The following NOL4L variants were observed in gnomAD, a reference collection of about 807,000 sequenced individuals.
NOL4L encodes the protein nucleolar protein 4-like.
NOL4L carries 7 observed loss-of-function variants against 64.5 expected under a neutral mutation model. The observed-to-expected ratio is 0.11, with a 90% CI of 0.06 to 0.20. The LOEUF is 0.20. NOL4L is among the 10% of genes least tolerant of loss of function. NOL4L has a pLI of 1.00. For missense variants in NOL4L, 680 were observed against 967.1 expected (o/e 0.70, Z 3.94); for synonymous variants, 413 against 401.0 (o/e 1.03, Z -0.36).
intron 1 of NOL4L, among the ~76,000 whole-genome samples, chr20:32,580,270 C>T (rs1438929737): frequency 6.6e-6 from 1 of 152,170 alleles, no homozygotes; most frequent in Non-Finnish European, 1.5e-5. Flanking sequence ...CGTATCAGCG[C>T]CTCAGCCCAG....
At chr20:32,576,991 G>A (rs962901064) in intron 1 of NOL4L, among the ~76,000 whole-genome samples, 4 of 152,206 alleles carry the variant, frequency 2.6e-5, no homozygotes, top group African/African-American at 9.6e-5. Flanking sequence ...TCCAGGCTCT[G>A]GGGTTTGGAG....
rs542492848 is a variant in NOL4L, at chr20:32,477,279, G to A, written c.700-2537C>T. Among the ~76,000 whole-genome samples the A allele has an allele frequency of 1.0e-3, 158 of 152,340 alleles. 2 individuals carry two copies. Among genetic ancestry groups the A allele is most frequent in the Middle Eastern group, 6.8e-3 (2 of 294 alleles). On this transcript the variant is annotated intron_variant, in intron 4 of 10. Coordinates refer to ENST00000621426, the MANE Select transcript of NOL4L (RefSeq NM_001256798.2). ...TTGACAGCCCCGCTCCACAGATGAG[G>A]AAACTGAGGCTCCAGGAGGTTAAGG...
chr20:32,509,915 C>A, intron 4 of NOL4L: 9 of 1,304,254 alleles, frequency 6.9e-6, no homozygotes, highest in Non-Finnish European at 9.1e-6. Context: ...GTTTACGAAG[C>A]CAGGTGCCGG....
chr20:32,498,420 T>TAAA (rs11482808), intron 4 of NOL4L, among the ~76,000 whole-genome samples: 4 of 145,408 alleles, frequency 2.8e-5, no homozygotes, highest in Admixed American at 2.7e-4. Context: ...TCTGTTCTCT[T>TAAA]AAAAAAAAAA....
At chr20:32,583,538 G>A (rs1980642082) in intron 1 of NOL4L, among the ~76,000 whole-genome samples, 1 of 149,646 alleles carries the variant, frequency 6.7e-6, no homozygotes, top group African/African-American at 2.4e-5. Context: ...AGGGAGCAAG[G>A]AGGGCGGGGG....
chr20:32,495,421 AT>A (rs2016647814), intron 4 of NOL4L, among the ~76,000 whole-genome samples: 1 of 152,118 alleles, frequency 6.6e-6, no homozygotes, highest in Admixed American at 6.5e-5. Context: ...GCCCGGGCCT[AT>A]TCCTGAGGTG....
chr20:32,538,773 G>C (rs982375745), intron 1 of NOL4L, among the ~76,000 whole-genome samples: 12 of 152,188 alleles, frequency 7.9e-5, no homozygotes, highest in African/African-American at 2.9e-4. Flanking sequence ...AGCGGCAGGC[G>C]GGTGCCGTCA....
In NOL4L at chr20:32,453,075, C is replaced by A; in HGVS notation, c.1498-69G>T. The stretch of plus-strand genomic sequence containing the variant: ...GCCCTGGGCTTGTGCAGAGACCCTG[C>A]CCCAGGGGTGGGTGGCACAGGGTGG... On this transcript the variant is annotated intron_variant, in intron 8 of 10. Transcript: ENST00000621426. The surrounding 1 kb of genome is among the most constrained non-coding windows in gnomAD (Gnocchi z 5.6). 6.3e-7 allele frequency: 1 copy of A among 1,593,400 alleles called. No homozygotes were observed. Among genetic ancestry groups the A allele is most frequent in the Non-Finnish European group, 8.5e-7 (1 of 1,171,714 alleles).
intron 5 of NOL4L, among the ~76,000 whole-genome samples, chr20:32,467,459 T>A (rs1267536158): frequency 6.6e-6 from 1 of 151,892 alleles, no homozygotes; most frequent in Non-Finnish European, 1.5e-5. Flanking sequence ...CGGGCGGTGG[T>A]TGGGAGCTGA....
chr20:32,455,427 TGCA>T (rs1157222189), intron 6 of NOL4L, among the ~76,000 whole-genome samples: 1 of 152,210 alleles, frequency 6.6e-6, no homozygotes, highest in Admixed American at 6.5e-5. Context: ...CCACTCTCTC[TGCA>T]GAAGAGAAAA....
Position 32,490,443 on chromosome 20 carries a change from G to A in NOL4L, c.700-15701C>T, listed in dbSNP as rs117702283. On this transcript the variant is annotated intron_variant, in intron 4 of 10. Coordinates refer to ENST00000621426, the MANE Select transcript of NOL4L (RefSeq NM_001256798.2). ...ACAGGTGGAAAGTAGGGAGGCATCC[G>A]GCTGGAAGAGGAGGATGTGGAGAAT... is the stretch of plus-strand genomic sequence containing the variant. Among the ~76,000 whole-genome samples, 90 of 152,284 alleles carry A rather than the reference G, an allele frequency of 5.9e-4. No homozygotes were observed. In the East Asian group the frequency reaches 6.8e-3, roughly 11 times the overall value.
intron 1 of NOL4L, among the ~76,000 whole-genome samples, chr20:32,550,462 T>C (rs2145604462): frequency 6.6e-6 from 1 of 152,200 alleles, no homozygotes; most frequent in East Asian, 1.9e-4. Context: ...TACAGTATTA[T>C]AGGTCAGGCG....
At chr20:32,581,451 G>A (rs1980466483) in intron 1 of NOL4L, among the ~76,000 whole-genome samples, 2 of 152,226 alleles carry the variant, frequency 1.3e-5, no homozygotes. Flanking sequence ...GCCGGGACTA[G>A]GAGAGGGCCC....
chr20:32,488,005 C>A (rs1389150977), intron 4 of NOL4L, among the ~76,000 whole-genome samples: 1 of 151,734 alleles, frequency 6.6e-6, no homozygotes, highest in Non-Finnish European at 1.5e-5. Flanking sequence ...TCTGGGCTCA[C>A]TGCATCCTCC....
chr20:32,495,237 C>T (rs1166039294), intron 4 of NOL4L, among the ~76,000 whole-genome samples: 1 of 152,252 alleles, frequency 6.6e-6, no homozygotes, highest in Non-Finnish European at 1.5e-5. Flanking sequence ...CTGTTTCTAT[C>T]TTATCTCTTG....
chr20:32,505,263 A>T (rs2017094213), intron 4 of NOL4L, among the ~76,000 whole-genome samples: 1 of 152,212 alleles, frequency 6.6e-6, no homozygotes, highest in Non-Finnish European at 1.5e-5. Flanking sequence ...GAGAGGGTTC[A>T]TAAGAAAGAG....
chr20:32,461,892 C>T (rs17356521), intron 5 of NOL4L, among the ~76,000 whole-genome samples: 48,930 of 151,688 alleles, frequency 0.32, 9,435 homozygotes, highest in East Asian at 0.82. Flanking sequence ...GTTGGTGCAG[C>T]TGTATTGGGT....
intron 1 of NOL4L, among the ~76,000 whole-genome samples, chr20:32,561,496 G>A (rs1290112744): frequency 6.6e-6 from 1 of 152,186 alleles, no homozygotes; most frequent in Non-Finnish European, 1.5e-5. Flanking sequence ...GGCAGGGCTG[G>A]GCCTCTGGGG....
At chr20:32,566,167 A>G (rs924875770) in intron 1 of NOL4L, among the ~76,000 whole-genome samples, 1 of 152,170 alleles carries the variant, frequency 6.6e-6, no homozygotes, top group Non-Finnish European at 1.5e-5. Context: ...ACTCGGTTCT[A>G]TGGGCTGCAA....
Sources: allele counts gnomAD v4.1 joint callset (sites outside exome capture counted in the v4.1 genomes callset), GRCh38; gene constraint gnomAD v4.1.1; non-coding constraint Gnocchi (gnomAD v3.1); transcripts MANE v1.5; gene names NCBI Gene and HGNC (gene_info 2026-07-23, HGNC 2026-07-21).